The following EMSY variants were observed in gnomAD, a reference collection of about 807,000 sequenced individuals.
EMSY encodes the protein EMSY transcriptional repressor, BRCA2 interacting, also known as BRCA2-interacting transcriptional repressor EMSY.
EMSY carries 26 observed loss-of-function variants against 134.6 expected under a neutral mutation model. The observed-to-expected ratio is 0.19, with a 90% CI of 0.14 to 0.27. The LOEUF is 0.27. EMSY is among the 10% of genes least tolerant of loss of function. The pLI, the probability that EMSY is intolerant of heterozygous loss-of-function variation, is 1.00. For synonymous variants in EMSY, 579 were observed against 577.8 expected, an observed-to-expected ratio of 1.00 and a Z score of -0.03; for missense variants, 1,305 against 1,611.4, an observed-to-expected ratio of 0.81 and a Z score of 3.26.
chr11:76,489,743 T>G (rs1325853222), intron 8 of EMSY, among the ~76,000 whole-genome samples: 1 of 152,074 alleles, frequency 6.6e-6, no homozygotes, highest in Non-Finnish European at 1.5e-5. Flanking sequence ...TAGCTCAGAT[T>G]ATGGGCGTGC....
chr11:76,549,467 G>A (rs1486119723), intron 20 of EMSY, among the ~76,000 whole-genome samples: 1 of 151,856 alleles, frequency 6.6e-6, no homozygotes, highest in Non-Finnish European at 1.5e-5. Context: ...ACTGGTACTC[G>A]TCTTGCAGAT....
intron 14 of EMSY, among the ~76,000 whole-genome samples, chr11:76,530,413 G>A (rs1189351367): frequency 2.6e-5 from 4 of 151,942 alleles, no homozygotes; most frequent in South Asian, 2.1e-4. Context: ...CACCCGCCTC[G>A]GCCTCCCAAA....
chr11:76,489,377 T>G (rs1056851522), intron 8 of EMSY, among the ~76,000 whole-genome samples: 8 of 151,630 alleles, frequency 5.3e-5, no homozygotes, highest in Non-Finnish European at 1.2e-4. Context: ...TGTAAAAGTC[T>G]GTAGCTATAT....
intron 12 of EMSY, 108 bp from the exon 14 acceptor site, chr11:76,526,354 A>G (rs1282552994): frequency 9.9e-6 from 7 of 710,350 alleles, no homozygotes; most frequent in Non-Finnish European, 1.5e-5. Flanking sequence ...TACATAATCT[A>G]CAGCCCTTTT....
intron 4 of EMSY, chr11:76,454,011 T>C (rs1947774906): frequency 6.6e-6 from 1 of 152,160 alleles, no homozygotes; most frequent in Non-Finnish European, 1.5e-5. Context: ...AAGCCTTAAT[T>C]GAGTATGTAT....
chr11:76,497,612 G>A (rs7928373), intron 9 of EMSY, among the ~76,000 whole-genome samples: 40,957 of 151,870 alleles, frequency 0.27, 5,822 homozygotes, highest in Non-Finnish European at 0.32. Context: ...TTTCTTCTAA[G>A]TTGTCAAATT....
chr11:76,473,889 G>A (rs1948675817), intron 8 of EMSY, among the ~76,000 whole-genome samples: 1 of 151,820 alleles, frequency 6.6e-6, no homozygotes, highest in South Asian at 2.1e-4. Context: ...CGGCTACTCG[G>A]GAGGCTGAGG....
intron 11 of EMSY, among the ~76,000 whole-genome samples, chr11:76,518,692 T>TATATATATATAG (rs1950537452): frequency 8.2e-6 from 1 of 122,484 alleles, no homozygotes; most frequent in Non-Finnish European, 1.7e-5. Flanking sequence ...CGCATATATA[T>TATATATATATAG]ATATATATAT....
intron 4 of EMSY, among the ~76,000 whole-genome samples, chr11:76,457,549 C>T (rs1173739171): frequency 1.3e-5 from 2 of 152,072 alleles, no homozygotes; most frequent in Non-Finnish European, 2.9e-5. Flanking sequence ...ATTAATGGTG[C>T]GTTTCTTCTA....
At chr11:76,459,203 T>C (rs537858026) in intron 5 of EMSY, 1 of 152,338 alleles carries the variant, frequency 6.6e-6, no homozygotes, top group East Asian at 1.9e-4. Context: ...TGTTTGAATC[T>C]TAATTTGTCA....
chr11:76,452,763 G>A (rs1330904140), intron 3 of EMSY, among the ~76,000 whole-genome samples: 1 of 152,142 alleles, frequency 6.6e-6, no homozygotes, highest in African/African-American at 2.4e-5. Context: ...AAGATATGCA[G>A]CTAAAGTATT....
In EMSY at chr11:76,456,687, C is replaced by T. The variant is rs140416762; in HGVS notation, c.246-1496C>T. ...AGTGTTACTGAAGTTTTAGGAATTCCCCTTTCCTTTGTCTTAGGTAGGACT... is the reference window on the plus strand; with the variant it reads ...AGTGTTACTGAAGTTTTAGGAATTCTCCTTTCCTTTGTCTTAGGTAGGACT... On this transcript the variant is annotated intron_variant, in intron 4 of 20. Transcript: ENST00000334736. 2.7e-3 allele frequency among the ~76,000 whole-genome samples: 409 copies of T among 152,182 alleles called. 1 individual carries two copies. The highest frequency in any genetic ancestry group is 9.3e-3 in the South Asian group (45 of 4,824).
chr11:76,546,415 T>C, intron 20 of EMSY, 118 bp downstream of exon 21: 6 of 1,352,290 alleles, frequency 4.4e-6, no homozygotes, highest in Middle Eastern at 2.6e-4. Context: ...GACATAGATA[T>C]TATCTTTGAG....
intron 8 of EMSY, among the ~76,000 whole-genome samples, chr11:76,483,077 A>G (rs1949044491): frequency 6.6e-6 from 1 of 152,220 alleles, no homozygotes. Context: ...TACAAGCCAG[A>G]AGAGAGTGGT....
chr11:76,518,593 A>G (rs1297776010), intron 11 of EMSY, among the ~76,000 whole-genome samples: 1 of 150,670 alleles, frequency 6.6e-6, no homozygotes, highest in Non-Finnish European at 1.5e-5. Context: ...AAAACCTTTG[A>G]TTTTTACTAT....
chr11:76,542,173 G>A, intron 17 of EMSY, 43 bp from the exon 19 acceptor site: 1 of 1,608,310 alleles, frequency 6.2e-7, no homozygotes. Flanking sequence ...TACAGATGCT[G>A]TGGTGATTTC....
intron 4 of EMSY, chr11:76,454,788 C>A: frequency 6.8e-7 from 1 of 1,463,706 alleles, no homozygotes; most frequent in East Asian, 2.5e-5. Context: ...GACCAAGTTA[C>A]AGGTATGCAA....
chr11:76,483,587 A>G (rs1349433020), intron 8 of EMSY, among the ~76,000 whole-genome samples: 1 of 152,240 alleles, frequency 6.6e-6, no homozygotes, highest in Non-Finnish European at 1.5e-5. Flanking sequence ...AGCAAAAAAA[A>G]GCAAGGATTG....
At chr11:76,468,789 G>C (rs1948459932) in intron 7 of EMSY, among the ~76,000 whole-genome samples, 1 of 152,064 alleles carries the variant, frequency 6.6e-6, no homozygotes, top group African/African-American at 2.4e-5. Flanking sequence ...TTATATATCA[G>C]AGCAGCAGAA....
Sources: gnomAD v4.1 joint callset for allele counts (sites outside exome capture counted in the v4.1 genomes callset) on GRCh38, gnomAD v4.1.1 for gene constraint, MANE v1.5 for transcripts, NCBI Gene and HGNC (gene_info 2026-07-23, HGNC 2026-07-21) for gene names.